UGT1A9: variants seen among roughly 807,000 people sequenced by gnomAD.
UGT1A9 encodes UDP glucuronosyltransferase family 1 member A9, also known as UDP-glucuronosyltransferase 1A9.
In UGT1A9, 35 loss-of-function variants were observed where a neutral mutation model predicts 45.0. The ratio of observed to expected loss-of-function variants is 0.78; its 90% CI spans 0.59 to 1.03. UGT1A9 has a LOEUF of 1.03. Among genes scored for constraint, UGT1A9 ranks in the 50% least tolerant of loss-of-function variants. UGT1A9 has a pLI of 0.00. For missense variants in UGT1A9, 687 were observed against 666.6 expected (o/e 1.03, Z -0.34); for synonymous variants, 278 against 250.6 (o/e 1.11, Z -1.03).
At chr2:233,692,066 G>T (rs1433912228) in intron 1 of UGT1A9, 2 of 152,176 alleles carry the variant, frequency 1.3e-5, no homozygotes, top group Admixed American at 6.5e-5. Context: ...AGGGAAGAAA[G>T]GAGAGAGAGA....
chr2:233,747,504 C>T, intron 1 of UGT1A9: 2 of 1,608,416 alleles, frequency 1.2e-6, no homozygotes, highest in South Asian at 2.2e-5. Flanking sequence ...GGGCCACACT[C>T]AACTGTACTT....
chr2:233,770,662 A>G (rs1700129154), intron 4 of UGT1A9: 1 of 140,356 alleles, frequency 7.1e-6, no homozygotes, highest in Non-Finnish European at 1.6e-5. Context: ...CGTCTTACTT[A>G]AAAAAAAAAA....
intron 1 of UGT1A9, among the ~76,000 whole-genome samples, chr2:233,727,564 G>A (rs1303726979): frequency 6.6e-6 from 1 of 152,214 alleles, no homozygotes; most frequent in Non-Finnish European, 1.5e-5. Flanking sequence ...CTCATCATGA[G>A]GGTGCTTAGG....
chr2:233,691,808 T>A, intron 1 of UGT1A9: 1 of 201,832 alleles, frequency 5.0e-6, no homozygotes, highest in Non-Finnish European at 8.8e-6. Flanking sequence ...TCTCAAATCT[T>A]AATTTCCTAA....
chr2:233,683,087 T>A (rs2074615252), intron 1 of UGT1A9, among the ~76,000 whole-genome samples: 1 of 152,206 alleles, frequency 6.6e-6, no homozygotes, highest in South Asian at 2.1e-4. Context: ...ACTTCCCTTT[T>A]TTTGCTAATT....
chr2:233,768,116 A>G, intron 3 of UGT1A9, 104 bp from the exon 4 acceptor site: 1 of 1,599,724 alleles, frequency 6.3e-7, no homozygotes, highest in Non-Finnish European at 8.5e-7. Context: ...CTGCAAGGGC[A>G]TGTGAGTAAC....
intron 1 of UGT1A9, among the ~76,000 whole-genome samples, chr2:233,700,735 A>G (rs368539869): frequency 4.6e-5 from 7 of 151,920 alleles, no homozygotes; most frequent in African/African-American, 1.7e-4. Context: ...TTTTATTATT[A>G]TTATACTTTA....
At chr2:233,757,269 G>C (rs1302149472) in intron 1 of UGT1A9, among the ~76,000 whole-genome samples, 1 of 127,616 alleles carries the variant, frequency 7.8e-6, no homozygotes, top group African/African-American at 2.9e-5. Context: ...GGCAGCCGAT[G>C]CAATGATTCA....
intron 1 of UGT1A9, among the ~76,000 whole-genome samples, chr2:233,736,009 A>G (rs1243121159): frequency 6.6e-6 from 1 of 151,786 alleles, no homozygotes; most frequent in Non-Finnish European, 1.5e-5. Context: ...CTTCTCGAGG[A>G]GTATCTTTGT....
chr2:233,686,615 C>T (rs1343567739), intron 1 of UGT1A9, among the ~76,000 whole-genome samples: 2 of 152,046 alleles, frequency 1.3e-5, no homozygotes, highest in Non-Finnish European at 2.9e-5. Context: ...TCTCTCTCTC[C>T]TTCAATCTAT....
chr2:233,754,946 G>A, intron 1 of UGT1A9: 1 of 1,327,700 alleles, frequency 7.5e-7, no homozygotes, highest in Non-Finnish European at 1.0e-6. Context: ...AGGAGAATGG[G>A]TCCCGGCCGC....
chr2:233,754,878 C>G (rs1478307261), intron 1 of UGT1A9: 1 of 1,352,412 alleles, frequency 7.4e-7, no homozygotes, highest in Non-Finnish European at 9.9e-7. Context: ...GCTTCTGCTT[C>G]CCAGGGAGTT....
chr2:233,703,165 C>T (rs1009134822), intron 1 of UGT1A9, among the ~76,000 whole-genome samples: 1 of 152,064 alleles, frequency 6.6e-6, no homozygotes, highest in Non-Finnish European at 1.5e-5. Context: ...CTTCTTGATT[C>T]AATTTCAGTA....
chr2:233,748,190 C>T (rs1370576625), intron 1 of UGT1A9: 2 of 1,559,306 alleles, frequency 1.3e-6, no homozygotes, highest in South Asian at 1.2e-5. Flanking sequence ...GCTTTTATTT[C>T]TGCTTGTCGT....
chr2:233,764,867 GCC>G (rs779119414), intron 1 of UGT1A9, among the ~76,000 whole-genome samples: 19,818 of 152,112 alleles, frequency 0.13, 1,414 homozygotes, highest in East Asian at 0.2. Flanking sequence ...TTTTAGATGA[GCC>G]CAAGGGAAAA....
At chr2:233,718,974 C>T (rs1346744859) in intron 1 of UGT1A9, 1 of 1,614,236 alleles carries the variant, frequency 6.2e-7, no homozygotes, top group South Asian at 1.1e-5. Flanking sequence ...GCGGGAGCTC[C>T]ATGCCAGAGG....
chr2:233,768,138 G>A, intron 3 of UGT1A9, 82 bp from the exon 4 acceptor site: 1 of 1,609,178 alleles, frequency 6.2e-7, no homozygotes, highest in Non-Finnish European at 8.5e-7. Context: ...CTGAGTCTTT[G>A]GAGTGTTTTC....
chr2:233,742,808 G>A (rs1235624978), intron 1 of UGT1A9: 1 of 153,400 alleles, frequency 6.5e-6, no homozygotes, highest in Non-Finnish European at 1.4e-5. Flanking sequence ...CAGAAGTATT[G>A]ATATTATTTG....
intron 1 of UGT1A9, among the ~76,000 whole-genome samples, chr2:233,733,693 C>T (rs2078430243): frequency 6.6e-6 from 1 of 152,134 alleles, no homozygotes; most frequent in Non-Finnish European, 1.5e-5. Flanking sequence ...TGATGTGCTG[C>T]TGGATTTGGT....
Sources: allele counts gnomAD v4.1 joint callset (sites outside exome capture counted in the v4.1 genomes callset), GRCh38; gene constraint gnomAD v4.1.1; transcripts MANE v1.5; gene names NCBI Gene and HGNC (gene_info 2026-07-23, HGNC 2026-07-21).